Variants in DDX31 observed in about 807,000 individuals in gnomAD.
DDX31 encodes ATP-dependent DNA helicase DDX31.
A neutral mutation model predicts 91.3 loss-of-function variants in DDX31; 70 were observed. That is an observed-to-expected ratio of 0.77 (90% CI 0.63 to 0.94). The LOEUF (loss-of-function observed/expected upper bound fraction) is 0.94. DDX31 is among the 40% of genes least tolerant of loss of function. DDX31 has a pLI of 0.00. For missense variants in DDX31, 902 were observed against 925.0 expected, an observed-to-expected ratio of 0.98 and a Z score of 0.32; for synonymous variants, 362 against 350.6, an observed-to-expected ratio of 1.03 and a Z score of -0.36.
At chr9:132,661,718 A>AT (rs560721919) in intron 3 of DDX31, among the ~76,000 whole-genome samples, 5 of 151,882 alleles carry the variant, frequency 3.3e-5, no homozygotes, top group Admixed American at 1.3e-4. Context: ...AAGTTAATAT[A>AT]TTTTTTTCTT....
chr9:132,612,039 G>C, intron 19 of DDX31, 48 bp downstream of exon 19: 1 of 1,583,672 alleles, frequency 6.3e-7, no homozygotes, highest in Non-Finnish European at 8.6e-7. Context: ...CACATCATGT[G>C]AACGGAGCTC....
chr9:132,642,020 C>T lies in DDX31; in HGVS notation c.1424G>A (p.Gly475Asp). 2 of 1,614,136 alleles carry T rather than the reference C, an allele frequency of 1.2e-6. No individual in the cohort carries two copies. The highest frequency in any genetic ancestry group is 1.7e-6 in the Non-Finnish European group (2 of 1,179,984). The part of the protein sequence containing the change: ...VFQEFSHSRR[G>D]VLLCTDVAAR... ...GATACGTACCGTGCAAAGAAGGACGCCTCTTCTGGAATGTGAAAATTCCTG... is the reference window on the plus strand; with the variant it reads ...GATACGTACCGTGCAAAGAAGGACGTCTCTTCTGGAATGTGAAAATTCCTG... Residue 475 changes from glycine (G) to aspartate (D), a missense_variant, in exon 14 of 20, where the codon GGC becomes GAC. By Grantham distance (94) the Gly-to-Asp change is moderately conservative (BLOSUM62 -1). Transcript: ENST00000372159.
At chr9:132,669,684 T>C (rs1835595816) in intron 1 of DDX31, 176 bp downstream of exon 1, 1 of 1,533,612 alleles carries the variant, frequency 6.5e-7, no homozygotes, top group East Asian at 2.4e-5. Flanking sequence ...CTGCGGGTGG[T>C]GTTCCGGTTA....
chr9:132,618,799 T>C (rs1358529223), intron 17 of DDX31, among the ~76,000 whole-genome samples: 1 of 152,236 alleles, frequency 6.6e-6, no homozygotes, highest in Non-Finnish European at 1.5e-5. Context: ...AAATGGGTCT[T>C]GGATCTCCTA....
At chr9:132,667,596 C>A (rs1426581827) in intron 1 of DDX31, among the ~76,000 whole-genome samples, 2 of 137,948 alleles carry the variant, frequency 1.4e-5, no homozygotes, top group African/African-American at 6.4e-5. Flanking sequence ...GAGCGAGACT[C>A]CATCTCAAAA....
At chr9:132,663,617 G>C (rs1261071379) in intron 1 of DDX31, 26 of 716,578 alleles carry the variant, frequency 3.6e-5, no homozygotes, top group East Asian at 1.3e-4. Flanking sequence ...TGTTATTCTG[G>C]AGTTTTGGGT....
At position 132,601,829 on chromosome 9, in the gene DDX31, T is replaced by C. The variant is rs1353891562; in HGVS notation, c.1995-6717A>G. On this transcript the variant is annotated intron_variant, in intron 19 of 19. Transcript: ENST00000372159. ...ACCTCATACAGGCTGTAGAACTGAT[T>C]CTGGAAGTTCGGCCAAGGTACTTAT... 3.9e-5 allele frequency among the ~76,000 whole-genome samples: 6 copies of C among 152,210 alleles called. No individual in the cohort carries two copies. In the East Asian group the frequency reaches 1.2e-3, roughly 29 times the overall value.
intron 7 of DDX31, among the ~76,000 whole-genome samples, 165 bp from the exon 8 acceptor site, chr9:132,651,281 C>A (rs1834169901): frequency 6.6e-6 from 1 of 151,954 alleles, no homozygotes; most frequent in African/African-American, 2.4e-5. Flanking sequence ...TAGACTGGTT[C>A]TGCAACCTGT....
At chr9:132,656,441 T>C (rs1007267772) in intron 6 of DDX31, among the ~76,000 whole-genome samples, 3 of 152,196 alleles carry the variant, frequency 2.0e-5, no homozygotes, top group Middle Eastern at 3.2e-3. Context: ...ACTAGCCACA[T>C]GACCACGTTG....
intron 6 of DDX31, among the ~76,000 whole-genome samples, chr9:132,655,421 G>A (rs1356834159): frequency 6.6e-6 from 1 of 152,072 alleles, no homozygotes; most frequent in Non-Finnish European, 1.5e-5. Flanking sequence ...ATCAAACCAA[G>A]CAAAACAGAA....
chr9:132,638,482 C>A, intron 14 of DDX31: 1 of 1,392,648 alleles, frequency 7.2e-7, no homozygotes, highest in South Asian at 1.2e-5. Context: ...CCTTCTTGCT[C>A]ATCCCTACTT....
intron 9 of DDX31, among the ~76,000 whole-genome samples, chr9:132,649,184 C>G (rs1242116797): frequency 1.3e-5 from 2 of 152,262 alleles, no homozygotes; most frequent in East Asian, 1.9e-4. Flanking sequence ...TTAAGTCATC[C>G]TCCTGCCTTG....
intron 8 of DDX31, 104 bp from the exon 9 acceptor site, chr9:132,650,402 G>A (rs781262297): frequency 1.2e-4 from 126 of 1,058,834 alleles, no homozygotes; most frequent in South Asian, 5.3e-4. Flanking sequence ...GAGAAAACTG[G>A]TGCTTCTCAT....
At chr9:132,634,450 T>G (rs1392227377) in intron 14 of DDX31, among the ~76,000 whole-genome samples, 2 of 152,046 alleles carry the variant, frequency 1.3e-5, no homozygotes, top group East Asian at 3.9e-4. Flanking sequence ...CCTAAATACT[T>G]TAACACATAC....
intron 9 of DDX31, among the ~76,000 whole-genome samples, chr9:132,649,093 C>T (rs554106942): frequency 1.3e-5 from 2 of 152,238 alleles, no homozygotes; most frequent in South Asian, 4.2e-4. Context: ...ATAAAAGCTT[C>T]CAATTTTTAG....
chr9:132,650,280 G>C lies in DDX31; in HGVS notation c.694C>G (p.Pro232Ala). The C allele has an allele frequency of 6.2e-7, 1 of 1,614,064 alleles. No homozygotes were observed. Among genetic ancestry groups the C allele is most frequent in the Non-Finnish European group, 8.5e-7 (1 of 1,179,990 alleles). The change falls in exon 9 of 20, where the codon CCT becomes GCT. Residue 232 changes from proline to alanine, a missense_variant. Pro to Ala is a conservative substitution (Grantham distance 27). Transcript: ENST00000372159. ...KLLKPFTWIV[P>A]GVLMGGEKRK... ...TTCTCTCCTCCCATTAACACTCCAG[G>C]CACAATCCAGGTGAAAGGCTACAGA...
chr9:132,625,609 C>T, intron 17 of DDX31, 55 bp downstream of exon 17: 1 of 1,410,680 alleles, frequency 7.1e-7, no homozygotes. Flanking sequence ...TCTACTACCC[C>T]AAATCAAGTG....
At chr9:132,612,298 G>T (rs1439718855) in intron 18 of DDX31, 43 bp from the exon 19 acceptor site, 1 of 1,612,028 alleles carries the variant, frequency 6.2e-7, no homozygotes, top group Non-Finnish European at 8.5e-7. Context: ...CAGGACCGGG[G>T]TCTCCAAGCT....
At chr9:132,602,445 T>TCC (rs1215043306) in intron 19 of DDX31, among the ~76,000 whole-genome samples, 60 of 152,286 alleles carry the variant, frequency 3.9e-4, no homozygotes, top group African/African-American at 1.4e-3. Context: ...GGCTGCACAT[T>TCC]CCTTACCCTT....
Sources: allele counts gnomAD v4.1 joint callset (sites outside exome capture counted in the v4.1 genomes callset), GRCh38; gene constraint gnomAD v4.1.1; transcripts MANE v1.5; gene names NCBI Gene and HGNC (gene_info 2026-07-23, HGNC 2026-07-21).